Variants in STAB2 observed in about 807,000 individuals in gnomAD.
The protein encoded by STAB2 is stabilin-2.
In STAB2, 288 loss-of-function variants were observed where a neutral mutation model predicts 338.1. The ratio of observed to expected loss-of-function variants is 0.85; its 90% confidence interval spans 0.77 to 0.94. STAB2 has a LOEUF of 0.94. Among genes scored for constraint, STAB2 ranks in the 40% least tolerant of loss-of-function variants. STAB2 has a pLI of 0.00. For missense variants in STAB2, 3,141 were observed against 3,210.1 expected (o/e 0.98, Z 0.52); for synonymous variants, 1,202 against 1,193.3 (o/e 1.01, Z -0.15).
chr12:103,655,731 A>G, intron 15 of STAB2, 150 bp downstream of exon 15: 1 of 926,420 alleles, frequency 1.1e-6, no homozygotes, highest in Non-Finnish European at 1.6e-6. Flanking sequence ...ATCACTAATC[A>G]ATCACAACAT....
chr12:103,647,776 G>A (rs768760658), intron 9 of STAB2, among the ~76,000 whole-genome samples: 7 of 152,168 alleles, frequency 4.6e-5, no homozygotes, highest in Non-Finnish European at 8.8e-5. Flanking sequence ...ACATTTATCA[G>A]CATACCACTG....
At chr12:103,744,562 G>A (rs1882856336) in intron 56 of STAB2, among the ~76,000 whole-genome samples, 1 of 150,910 alleles carries the variant, frequency 6.6e-6, no homozygotes, top group East Asian at 1.9e-4. Context: ...AACATCTTGG[G>A]CTCAAGCAGT....
At chr12:103,681,158 A>G (rs1284413525) in intron 25 of STAB2, among the ~76,000 whole-genome samples, 1 of 152,204 alleles carries the variant, frequency 6.6e-6, no homozygotes, top group Non-Finnish European at 1.5e-5. Context: ...ATGGGTCTGG[A>G]GAAAATTAGC....
chr12:103,766,559 G>A lies in STAB2; in HGVS notation c.*223G>A, dbSNP rs560477578. The A allele has an allele frequency of 2.0e-3, 1,053 of 533,628 alleles. 5 individuals are homozygous for A. The highest frequency in any genetic ancestry group is 2.3e-3 in the Non-Finnish European group (669 of 296,944). The allele number at this position is 533,628 out of a possible 1,614,324, so 33.1% of individuals were successfully genotyped here. A position where few individuals can be genotyped will look rare whatever the true frequency, so the allele number is the denominator to read the frequency against. On this transcript the variant is annotated 3_prime_UTR_variant, in exon 69 of 69. Coordinates refer to ENST00000388887, the MANE Select transcript of STAB2 (RefSeq NM_017564.10). ...CTGACCCTTTGGCTCTTCTTCCTTTGTACTCTTCAGCTGGCACCTGCTCCA... is the reference window on the plus strand; with the variant it reads ...CTGACCCTTTGGCTCTTCTTCCTTTATACTCTTCAGCTGGCACCTGCTCCA...
intron 57 of STAB2, among the ~76,000 whole-genome samples, chr12:103,745,690 C>A (rs932760792): frequency 6.6e-6 from 1 of 152,058 alleles, no homozygotes; most frequent in Non-Finnish European, 1.5e-5. Context: ...AGATGAATGG[C>A]CTTAGAGAAC....
At chr12:103,589,235 T>C in intron 1 of STAB2, among the ~76,000 whole-genome samples, 1 of 152,204 alleles carries the variant, frequency 6.6e-6, no homozygotes, top group Admixed American at 6.5e-5. Context: ...GTGGTGACAT[T>C]TCCACCACGA....
intron 58 of STAB2, among the ~76,000 whole-genome samples, chr12:103,748,644 ACACACACACACACACT>A (rs1272408409): frequency 1.1e-5 from 1 of 87,342 alleles, no homozygotes; most frequent in Non-Finnish European, 2.4e-5. Flanking sequence ...ACACACACAC[ACACACACACACACACT>A]GTCCTAACAT....
intron 18 of STAB2, among the ~76,000 whole-genome samples, chr12:103,663,606 C>G (rs11111707): frequency 0.087 from 13,302 of 152,184 alleles, 877 homozygotes; most frequent in East Asian, 0.31. Flanking sequence ...TCTCGGCCTC[C>G]CAAAGTGCTG....
At chr12:103,718,898 AC>A (rs1351623262) in intron 44 of STAB2, among the ~76,000 whole-genome samples, 2 of 152,102 alleles carry the variant, frequency 1.3e-5, no homozygotes, top group Non-Finnish European at 2.9e-5. Flanking sequence ...TCCTTTTACC[AC>A]TAACATCTGG....
chr12:103,740,363 GAGC>G (rs1199040804), intron 54 of STAB2, among the ~76,000 whole-genome samples: 1 of 152,076 alleles, frequency 6.6e-6, no homozygotes. Context: ...GCCACTTGCA[GAGC>G]ACTCTAAGGG....
At chr12:103,654,829 A>G in intron 13 of STAB2, 131 bp downstream of exon 13, 2 of 1,185,318 alleles carry the variant, frequency 1.7e-6, no homozygotes, top group Non-Finnish European at 2.3e-6. Flanking sequence ...AGAGAGAAGA[A>G]GAGGTGGTTT....
chr12:103,690,399 T>C (rs1877825201), intron 29 of STAB2, 25 bp from the exon 30 acceptor site: 1 of 1,568,488 alleles, frequency 6.4e-7, no homozygotes, highest in African/African-American at 1.4e-5. Context: ...TATTGAATTA[T>C]AGCCTTTGTG....
intron 3 of STAB2, among the ~76,000 whole-genome samples, chr12:103,607,627 A>G (rs377242451): frequency 1.1e-3 from 164 of 152,096 alleles, no homozygotes; most frequent in Non-Finnish European, 1.6e-3. Flanking sequence ...ATGAGTGAGA[A>G]CATGTGGTGT....
At chr12:103,590,799 T>C in intron 1 of STAB2, 98 bp from the exon 2 acceptor site, 2 of 1,438,926 alleles carry the variant, frequency 1.4e-6, no homozygotes, top group Non-Finnish European at 1.9e-6. Context: ...TCCATTGAGA[T>C]GATTGGAGAC....
At chr12:103,606,488 T>C (rs545454353) in intron 3 of STAB2, among the ~76,000 whole-genome samples, 1 of 152,358 alleles carries the variant, frequency 6.6e-6, no homozygotes, top group Non-Finnish European at 1.5e-5. Context: ...GTATTTTTTT[T>C]CTTCCTGACC....
chr12:103,587,746 C>T (rs1007201013), intron 1 of STAB2, among the ~76,000 whole-genome samples, 189 bp downstream of exon 1: 1 of 152,246 alleles, frequency 6.6e-6, no homozygotes, highest in African/African-American at 2.4e-5. Context: ...CCACTTGTTG[C>T]TCTTCCTGTA....
At chr12:103,718,830 G>A (rs1311105017) in intron 44 of STAB2, among the ~76,000 whole-genome samples, 3 of 152,092 alleles carry the variant, frequency 2.0e-5, no homozygotes, top group South Asian at 2.1e-4. Context: ...TAGGGTTTTC[G>A]GTTGGTTTGC....
chr12:103,630,135 A>G lies in STAB2; in HGVS notation c.488-1463A>G, dbSNP rs141203559. Among the ~76,000 whole-genome samples, 639 of 152,342 alleles carry G rather than the reference A, an allele frequency of 4.2e-3. 5 individuals carry two copies. Among genetic ancestry groups the G allele is most frequent in the African/African-American group, 0.015 (613 of 41,570 alleles). ...TGCCTTTGCTAATCAAATGAAATGA[A>G]TGAAATGGAGAGGCAAGAAACTGGA... On this transcript the variant is annotated intron_variant, in intron 5 of 68. Coordinates refer to ENST00000388887, the MANE Select transcript of STAB2 (RefSeq NM_017564.10).
intron 61 of STAB2, among the ~76,000 whole-genome samples, 194 bp downstream of exon 61, chr12:103,753,547 C>T (rs182880941): frequency 2.0e-4 from 30 of 152,256 alleles, no homozygotes; most frequent in Admixed American, 1.1e-3. Context: ...CAGGGTACTT[C>T]GTGGATATTA....
Sources: allele counts gnomAD v4.1 joint callset (sites outside exome capture counted in the v4.1 genomes callset), GRCh38; gene constraint gnomAD v4.1.1; transcripts MANE v1.5; gene names NCBI Gene and HGNC (gene_info 2026-07-23, HGNC 2026-07-21).